COL14A1: variants seen among roughly 807,000 people sequenced by gnomAD.
COL14A1 encodes collagen alpha-1(XIV) chain.
In COL14A1, 136 loss-of-function variants were observed where a neutral mutation model predicts 230.3. That is an observed-to-expected ratio of 0.59 (90% confidence interval 0.51 to 0.68). The LOEUF (loss-of-function observed/expected upper bound fraction) is 0.68, where lower values mean the gene tolerates loss of function less well. Among genes scored for constraint, COL14A1 ranks in the 30% least tolerant of loss-of-function variants. The pLI is 0.00. For synonymous variants in COL14A1, 792 were observed against 784.1 expected, an observed-to-expected ratio of 1.01 and a Z score of -0.17; for missense variants, 1,976 against 2,215.8, an observed-to-expected ratio of 0.89 and a Z score of 2.17.
rs1372564046 is a variant in COL14A1, at chr8:120,216,426, C to A, written c.1673C>A (p.Thr558Asn). ...SNSARLTWDP[T>N]SRQINGYRIV... Reference sequence around the variant, plus strand: ...AGTGCTCGATTAACCTGGGACCCAACTTCAAGACAGATCAATGGTTATCGA... The same window carrying A: ...AGTGCTCGATTAACCTGGGACCCAAATTCAAGACAGATCAATGGTTATCGA... The change falls in exon 14 of 48, where the codon ACT (threonine) becomes AAT (asparagine). Residue 558 changes from threonine (T) to asparagine (N), a missense_variant. This residue lies in a region of COL14A1 where 1,791 missense variants were observed against 2,019.5 expected (regional missense o/e 0.89). Coordinates refer to ENST00000297848, the MANE Select transcript of COL14A1 (RefSeq NM_021110.4). 6.2e-7 allele frequency: 1 copy of A among 1,613,828 alleles called. No homozygotes were observed. Among genetic ancestry groups the A allele is most frequent in the South Asian group, 1.1e-5 (1 of 91,044 alleles).
intron 14 of COL14A1, among the ~76,000 whole-genome samples, chr8:120,217,521 A>G (rs988216563): frequency 1.3e-5 from 2 of 152,176 alleles, no homozygotes; most frequent in Non-Finnish European, 2.9e-5. Flanking sequence ...AGAGACAAAC[A>G]TTTTTCTAAA....
rs79943469 is a variant in COL14A1, at chr8:120,160,696, A to G, written c.206-1730A>G. 8.5e-3 allele frequency among the ~76,000 whole-genome samples: 1,296 copies of G among 152,354 alleles called. 17 individuals carry two copies. Among genetic ancestry groups the G allele is most frequent in the African/African-American group, 0.03 (1,248 of 41,578 alleles). ...GATTAAACATAGTAAATAAAGAGTA[A>G]TAAATACATTTAGCTGCAAAATGTT... On this transcript the variant is annotated intron_variant, in intron 3 of 47. Coordinates refer to ENST00000297848, the MANE Select transcript of COL14A1 (RefSeq NM_021110.4).
chr8:120,179,536 GA>G (rs1816394804), intron 5 of COL14A1, among the ~76,000 whole-genome samples: 1 of 152,104 alleles, frequency 6.6e-6, no homozygotes, highest in Non-Finnish European at 1.5e-5. Context: ...AAGGAAATAA[GA>G]GAGGACACAA....
At chr8:120,153,793 A>T (rs1377618385) in intron 2 of COL14A1, among the ~76,000 whole-genome samples, 1 of 152,220 alleles carries the variant, frequency 6.6e-6, no homozygotes, top group Non-Finnish European at 1.5e-5. Flanking sequence ...TTTGAAAAGG[A>T]TAGGAATCTG....
chr8:120,204,500 C>T (rs1395323494), intron 9 of COL14A1, among the ~76,000 whole-genome samples: 1 of 152,168 alleles, frequency 6.6e-6, no homozygotes, highest in Non-Finnish European at 1.5e-5. Flanking sequence ...CATGTGTCAA[C>T]AGCTCTTTCT....
At chr8:120,286,132 G>T (rs1453875348) in intron 33 of COL14A1, among the ~76,000 whole-genome samples, 162 bp downstream of exon 33, 1 of 151,902 alleles carries the variant, frequency 6.6e-6, no homozygotes, top group Non-Finnish European at 1.5e-5. Context: ...ATTCTGATTT[G>T]GTAGTTCTGA....
intron 43 of COL14A1, 50 bp from the exon 44 acceptor site, chr8:120,342,330 T>C (rs1563747916): frequency 3.2e-6 from 5 of 1,565,538 alleles, no homozygotes; most frequent in East Asian, 4.5e-5. Flanking sequence ...GTCCTGGTAG[T>C]GTGGCTGGGC....
chr8:120,285,281 G>A (rs762790689), intron 32 of COL14A1, among the ~76,000 whole-genome samples: 10 of 151,694 alleles, frequency 6.6e-5, no homozygotes, highest in Admixed American at 2.0e-4. Context: ...TCAGGAGATC[G>A]AGACCAAGCC....
intron 5 of COL14A1, among the ~76,000 whole-genome samples, chr8:120,181,996 C>T (rs1161280593): frequency 2.0e-5 from 3 of 152,114 alleles, no homozygotes; most frequent in Admixed American, 6.5e-5. Flanking sequence ...CTCCTGATGA[C>T]AATCAGATGA....
At chr8:120,198,131 C>T (rs907369200) in intron 7 of COL14A1, among the ~76,000 whole-genome samples, 6 of 152,056 alleles carry the variant, frequency 3.9e-5, no homozygotes, top group Non-Finnish European at 1.5e-5. Flanking sequence ...TATAATGTCC[C>T]AGGAAGGGCT....
At chr8:120,134,416 G>C (rs2130396128) in intron 1 of COL14A1, among the ~76,000 whole-genome samples, 1 of 152,154 alleles carries the variant, frequency 6.6e-6, no homozygotes, top group African/African-American at 2.4e-5. Context: ...TAATTGGATA[G>C]ACATGGAGAA....
At chr8:120,238,074 G>A (rs1049969809) in intron 19 of COL14A1, among the ~76,000 whole-genome samples, 4 of 152,198 alleles carry the variant, frequency 2.6e-5, no homozygotes, top group Non-Finnish European at 4.4e-5. Context: ...CCCATCAGGA[G>A]GCACGGGGGT....
chr8:120,284,420 G>T (rs1820133650), intron 32 of COL14A1, among the ~76,000 whole-genome samples: 1 of 152,136 alleles, frequency 6.6e-6, no homozygotes, highest in Non-Finnish European at 1.5e-5. Context: ...TCAAGCTCTT[G>T]GATGTTGTAC....
chr8:120,129,445 G>C (rs942552177), intron 1 of COL14A1, among the ~76,000 whole-genome samples: 12 of 152,174 alleles, frequency 7.9e-5, no homozygotes, highest in African/African-American at 2.9e-4. Flanking sequence ...GAACATTCTT[G>C]TGTCAAGCAG....
chr8:120,180,539 A>G (rs1816427247), intron 5 of COL14A1, among the ~76,000 whole-genome samples: 1 of 152,134 alleles, frequency 6.6e-6, no homozygotes. Flanking sequence ...TCAATCCAGT[A>G]TCCGTTGCTC....
intron 36 of COL14A1, among the ~76,000 whole-genome samples, chr8:120,307,234 G>C (rs373665448): frequency 2.0e-5 from 3 of 152,178 alleles, no homozygotes; most frequent in African/African-American, 7.2e-5. Context: ...AAAGGGAAAA[G>C]GGGGTCAGAA....
At chr8:120,294,965 C>G (rs191904178) in intron 34 of COL14A1, among the ~76,000 whole-genome samples, 148 of 151,904 alleles carry the variant, frequency 9.7e-4, no homozygotes, top group African/African-American at 3.3e-3. Flanking sequence ...GAAGTCCAGT[C>G]AAAGGTTTGT....
At chr8:120,134,862 C>T (rs1410379933) in intron 1 of COL14A1, among the ~76,000 whole-genome samples, 1 of 152,170 alleles carries the variant, frequency 6.6e-6, no homozygotes, top group Non-Finnish European at 1.5e-5. Flanking sequence ...GTAATCCCAG[C>T]TATTTGGGAG....
intron 1 of COL14A1, among the ~76,000 whole-genome samples, chr8:120,138,962 C>A (rs1814804128): frequency 6.6e-6 from 1 of 152,164 alleles, no homozygotes; most frequent in Admixed American, 6.5e-5. Context: ...TCCTAGAGAT[C>A]ATTTTATCCA....
Sources: gnomAD v4.1 joint callset for allele counts (sites outside exome capture counted in the v4.1 genomes callset) on GRCh38, gnomAD v4.1.1 for gene constraint, gnomAD v4.1.1 regional missense constraint, MANE v1.5 for transcripts, NCBI Gene and HGNC (gene_info 2026-07-23, HGNC 2026-07-21) for gene names.